The following EPM2A variants were observed in gnomAD, a reference collection of about 807,000 sequenced individuals.
The protein encoded by EPM2A is laforin.
EPM2A carries 21 observed loss-of-function variants against 26.5 expected under a neutral mutation model. The observed-to-expected ratio is 0.79, with a 90% CI of 0.56 to 1.14. The LOEUF (loss-of-function observed/expected upper bound fraction) is 1.14. Ranked by LOEUF, EPM2A falls within the 50% of genes most tolerant of loss-of-function variation. EPM2A has a pLI of 0.00. For synonymous variants in EPM2A, 217 were observed against 177.6 expected, an observed-to-expected ratio of 1.22 and a Z score of -1.76; for missense variants, 458 against 440.8, an observed-to-expected ratio of 1.04 and a Z score of -0.35.
At chr6:145,709,999 A>C (rs908057540) in intron 1 of EPM2A, among the ~76,000 whole-genome samples, 1 of 152,206 alleles carries the variant, frequency 6.6e-6, no homozygotes, top group African/African-American at 2.4e-5. Context: ...TGTTAGACCT[A>C]AAACCATAAA....
chr6:145,728,238 G>A (rs1351999787), intron 1 of EPM2A, among the ~76,000 whole-genome samples: 1 of 152,192 alleles, frequency 6.6e-6, no homozygotes, highest in Non-Finnish European at 1.5e-5. Flanking sequence ...GGGAAGAGGT[G>A]CATTACTATA....
intron 2 of EPM2A, among the ~76,000 whole-genome samples, chr6:145,642,887 A>C (rs1163974851): frequency 2.0e-5 from 3 of 152,242 alleles, no homozygotes; most frequent in Non-Finnish European, 4.4e-5. Context: ...CTAATATAAA[A>C]GCAATGAAAA....
Position 145,729,206 on chromosome 6 carries a change from A to G in EPM2A, c.301+5992T>C, listed in dbSNP as rs373950255. On this transcript the variant is annotated intron_variant, in intron 1 of 3. Coordinates refer to ENST00000367519, the MANE Select transcript of EPM2A (RefSeq NM_005670.4). Reference sequence around the variant, plus strand: ...AGCAGAGCCCTCAGTGAGAACCTCTACTAAGGCAGTGCACAGGGGAAATGT... The same window carrying G: ...AGCAGAGCCCTCAGTGAGAACCTCTGCTAAGGCAGTGCACAGGGGAAATGT... Among the ~76,000 whole-genome samples, 16 of 152,340 alleles carry G rather than the reference A, an allele frequency of 1.1e-4. No homozygotes were observed. The East Asian group carries it at 3.1e-3, about 29-fold the overall frequency.
intron 2 of EPM2A, among the ~76,000 whole-genome samples, chr6:145,560,378 AATT>A (rs1351513993): frequency 6.6e-6 from 1 of 152,180 alleles, no homozygotes; most frequent in African/African-American, 2.4e-5. Context: ...TATTCAAATA[AATT>A]TGTAAATCAG....
chr6:145,468,487 G>A (rs1431636506), intron 4 of EPM2A, among the ~76,000 whole-genome samples: 2 of 151,846 alleles, frequency 1.3e-5, no homozygotes, highest in African/African-American at 4.8e-5. Context: ...GATACAAATG[G>A]ATATATAACA....
At chr6:145,692,570 T>G (rs1781342836) in intron 1 of EPM2A, among the ~76,000 whole-genome samples, 1 of 152,108 alleles carries the variant, frequency 6.6e-6, no homozygotes, top group Admixed American at 6.5e-5. Context: ...TTTAGGTTTT[T>G]AATCTGTTTT....
rs1440831373 is a variant in EPM2A at position 145,428,073 on chromosome 6, TA to T, written c.556-43977del. ...CTTTTTTCCTATCTTTTTGTGTTGA[TA>T]GTTTTTTTTTTTTTTTTTTGGCTGT... is the stretch of plus-strand genomic sequence containing the variant. On this transcript the variant is annotated intron_variant, in intron 4 of 4. Coordinates refer to the EPM2A transcript ENST00000638717. Among the ~76,000 whole-genome samples, 1,416 of 142,474 alleles carry T rather than the reference TA, an allele frequency of 9.9e-3. 17 individuals carry two copies. Among genetic ancestry groups the T allele is most frequent in the African/African-American group, 0.034 (1,272 of 37,076 alleles). The allele number at this position is 142,474 out of a possible 152,430, so 93.5% of individuals were successfully genotyped here.
intron 2 of EPM2A, among the ~76,000 whole-genome samples, chr6:145,535,924 G>T (rs147317380): frequency 3.9e-5 from 6 of 152,172 alleles, no homozygotes; most frequent in Admixed American, 3.9e-4. Context: ...GCTTTGATGT[G>T]TTTAAGGTAG....
At chr6:145,400,971 C>T (rs1318591774) in intron 4 of EPM2A, among the ~76,000 whole-genome samples, 1 of 151,976 alleles carries the variant, frequency 6.6e-6, no homozygotes, top group Non-Finnish European at 1.5e-5. Context: ...AACAATGTTC[C>T]TGCAGAATGA....
chr6:145,626,976 G>C lies in EPM2A; in HGVS notation c.*440C>G. 1.9e-6 allele frequency: 2 copies of C among 1,041,902 alleles called. No homozygotes were observed. The highest frequency in any genetic ancestry group is 1.2e-6 in the Non-Finnish European group (1 of 863,488). 64.5% of individuals were successfully genotyped at this position (1,041,902 alleles called of 1,614,324 possible). Reference sequence around the variant, plus strand: ...GCTTCTAACCTTATTTCCTCCTTTGGCAACTGACCAGCTCACGCACACATA... The same window carrying C: ...GCTTCTAACCTTATTTCCTCCTTTGCCAACTGACCAGCTCACGCACACATA... On this transcript the variant is annotated 3_prime_UTR_variant, in exon 4 of 4. Transcript: ENST00000367519.
intron 2 of EPM2A, among the ~76,000 whole-genome samples, chr6:145,604,634 T>C (rs958325387): frequency 1.3e-5 from 2 of 152,164 alleles, no homozygotes; most frequent in African/African-American, 2.4e-5. Flanking sequence ...AATTAAATAA[T>C]TAATGAGCAA....
intron 2 of EPM2A, among the ~76,000 whole-genome samples, chr6:145,663,379 T>C (rs1246149108): frequency 3.3e-5 from 5 of 152,158 alleles, no homozygotes; most frequent in African/African-American, 1.2e-4. Context: ...TGCCAGACAG[T>C]GGGCACAGGC....
intron 2 of EPM2A, among the ~76,000 whole-genome samples, chr6:145,683,268 G>GGGGTGT (rs955430424): frequency 2.2e-5 from 3 of 134,010 alleles, no homozygotes; most frequent in Non-Finnish European, 4.8e-5. Flanking sequence ...CCCAGGATTT[G>GGGGTGT]GTGTGTGTGT....
intron 2 of EPM2A, among the ~76,000 whole-genome samples, chr6:145,678,166 C>G (rs1780209496): frequency 6.6e-6 from 1 of 152,110 alleles, no homozygotes; most frequent in Admixed American, 6.5e-5. Flanking sequence ...CTGACAAAAG[C>G]AAGAAATGGG....
rs367632889 is a variant in EPM2A, at chr6:145,421,096, C to T, written c.556-36999G>A. On this transcript the variant is annotated intron_variant, in intron 4 of 4. Transcript: ENST00000638717. ...TGACCTAAGCAAATTCTTTGAGAAC[C>T]GAAGCTGGGGTAACACTGGATGACT... Among the ~76,000 whole-genome samples, 225 of 152,224 alleles carry T rather than the reference C, an allele frequency of 1.5e-3. 1 individual carries two copies. Among genetic ancestry groups the T allele is most frequent in the African/African-American group, 4.7e-3 (194 of 41,556 alleles).
intron 1 of EPM2A, among the ~76,000 whole-genome samples, chr6:145,711,837 G>A (rs998222373): frequency 6.6e-5 from 10 of 151,966 alleles, no homozygotes; most frequent in East Asian, 3.8e-4. Context: ...AAACATCAGC[G>A]GGTCCTCAAA....
In EPM2A at chr6:145,547,935, A is replaced by G. The variant is rs77883813; in HGVS notation, c.341-45360T>C. ...TGCATGATTTTTAGAAGTAATGAAA[A>G]CACTTATTTTATAAATCCTAGTAAC... On this transcript the variant is annotated intron_variant, in intron 2 of 3. Transcript: ENST00000450221. Among the ~76,000 whole-genome samples the G allele has an allele frequency of 3.2e-4, 49 of 152,230 alleles. 1 individual carries two copies. In the East Asian group the frequency reaches 9.5e-3, roughly 29 times the overall value.
chr6:145,413,739 C>G (rs1199590296), intron 4 of EPM2A, among the ~76,000 whole-genome samples: 1 of 152,178 alleles, frequency 6.6e-6, no homozygotes, highest in African/African-American at 2.4e-5. Flanking sequence ...TAACTTCTAT[C>G]TCTTGGCCAT....
At chr6:145,601,535 A>G (rs533433226) in intron 2 of EPM2A, among the ~76,000 whole-genome samples, 1 of 152,336 alleles carries the variant, frequency 6.6e-6, no homozygotes, top group South Asian at 2.1e-4. Context: ...AGGAATATTC[A>G]TTCCTTTGTT....
Sources: allele counts gnomAD v4.1 joint callset (sites outside exome capture counted in the v4.1 genomes callset), GRCh38; gene constraint gnomAD v4.1.1; transcripts MANE v1.5; gene names NCBI Gene and HGNC (gene_info 2026-07-23, HGNC 2026-07-21).